Variants in MTMR7 observed in about 807,000 individuals in gnomAD.
MTMR7 encodes the protein myotubularin related protein 7, also known as phosphatidylinositol-3-phosphate phosphatase MTMR7.
In MTMR7, 76 loss-of-function variants were observed where a neutral mutation model predicts 81.2. The observed-to-expected ratio is 0.94, with a 90% CI of 0.78 to 1.13. The LOEUF (loss-of-function observed/expected upper bound fraction) is 1.13. Among genes scored for constraint, MTMR7 ranks in the 50% most tolerant of loss-of-function variants. The pLI is 0.00. For synonymous variants in MTMR7, 372 were observed against 289.8 expected (o/e 1.28, Z -2.88); for missense variants, 1,044 against 820.0 (o/e 1.27, Z -3.34).
intron 7 of MTMR7, among the ~76,000 whole-genome samples, chr8:17,320,998 C>CT (rs34124458): frequency 0.16 from 24,150 of 151,474 alleles, 2,556 homozygotes; most frequent in East Asian, 0.45. Context: ...CTCTTGCAGT[C>CT]TTTTTTTTTA....
chr8:17,304,304 T>TC, intron 12 of MTMR7, 75 bp downstream of exon 12: 1 of 1,525,810 alleles, frequency 6.6e-7, no homozygotes, highest in Non-Finnish European at 9.0e-7. Context: ...GTCATACACT[T>TC]TGACCTCTGA....
In MTMR7 at chr8:17,349,041, G is replaced by A. The variant is rs200093307; in HGVS notation, c.509C>T (p.Ser170Leu). Residue 170 changes from serine to leucine, a missense_variant, in exon 5 of 14, where the codon TCG becomes TTG. Ser to Leu is a moderately radical substitution (Grantham distance 145). Coordinates refer to ENST00000180173, the MANE Select transcript of MTMR7 (RefSeq NM_004686.5). The part of the protein sequence containing the change: ...SYPTELYVPK[S>L]ATAHIIVGSS... ...CCCCACTATGATGTGTGCCGTGGCC[G>A]ATTTGGGAACGTACAGTTCAGTAGG... 23 of 1,612,626 alleles carry A rather than the reference G, an allele frequency of 1.4e-5. No homozygotes were observed. Among genetic ancestry groups the A allele is most frequent in the Middle Eastern group, 1.6e-4 (1 of 6,062 alleles).
chr8:17,371,971 T>C (rs1331231405), intron 2 of MTMR7, among the ~76,000 whole-genome samples: 1 of 151,940 alleles, frequency 6.6e-6, no homozygotes, highest in Non-Finnish European at 1.5e-5. Context: ...TTCCAGACTT[T>C]TCCTCCTGTC....
intron 4 of MTMR7, among the ~76,000 whole-genome samples, chr8:17,353,004 C>T (rs963391295): frequency 1.3e-5 from 2 of 152,122 alleles, no homozygotes; most frequent in African/African-American, 2.4e-5. Flanking sequence ...CAACCATATC[C>T]GCAGAGCATT....
intron 5 of MTMR7, among the ~76,000 whole-genome samples, chr8:17,341,942 A>G (rs1401436863): frequency 1.3e-5 from 2 of 151,116 alleles, no homozygotes; most frequent in Non-Finnish European, 2.9e-5. Flanking sequence ...AAACTAGCCC[A>G]TCTAGAAACA....
intron 1 of MTMR7, among the ~76,000 whole-genome samples, chr8:17,394,595 A>G (rs1821195546): frequency 6.6e-6 from 1 of 152,222 alleles, no homozygotes; most frequent in Non-Finnish European, 1.5e-5. Context: ...GAAAATGTTC[A>G]GAAATTACAT....
intron 7 of MTMR7, among the ~76,000 whole-genome samples, chr8:17,322,001 G>C (rs1307630157): frequency 7.2e-6 from 1 of 139,804 alleles, no homozygotes; most frequent in Non-Finnish European, 1.5e-5. Context: ...AATTGCTGGT[G>C]GGGTCAGTGA....
At chr8:17,336,247 G>A (rs1819233686) in intron 6 of MTMR7, among the ~76,000 whole-genome samples, 1 of 152,086 alleles carries the variant, frequency 6.6e-6, no homozygotes, top group Non-Finnish European at 1.5e-5. Flanking sequence ...GTCACCTACA[G>A]CTGAAGACAC....
chr8:17,379,342 G>A (rs74670728), intron 1 of MTMR7, among the ~76,000 whole-genome samples: 62 of 152,188 alleles, frequency 4.1e-4, no homozygotes, highest in African/African-American at 1.4e-3. Context: ...GTCTGACCAC[G>A]CGAACTCCAC....
At chr8:17,369,700 C>A (rs1585098121) in intron 3 of MTMR7, among the ~76,000 whole-genome samples, 1 of 133,846 alleles carries the variant, frequency 7.5e-6, no homozygotes, top group Non-Finnish European at 1.5e-5. Flanking sequence ...GGCTGGAGTG[C>A]AGTGGCAAGA....
chr8:17,322,967 T>TTTTTTTTTTA (rs1818477811), intron 7 of MTMR7, among the ~76,000 whole-genome samples: 5 of 150,606 alleles, frequency 3.3e-5, no homozygotes, highest in East Asian at 2.0e-4. Context: ...TTTTTTTTTT[T>TTTTTTTTTTA]GAGACAGTCT....
At chr8:17,355,593 T>C (rs1354657902) in intron 4 of MTMR7, among the ~76,000 whole-genome samples, 1 of 151,250 alleles carries the variant, frequency 6.6e-6, no homozygotes, top group East Asian at 1.9e-4. Flanking sequence ...AACAGTATGC[T>C]AAAAGACAAA....
At position 17,378,535 on chromosome 8, in the gene MTMR7, T is replaced by A. The variant is rs1820660169; in HGVS notation, c.25-5295A>T. Among the ~76,000 whole-genome samples the A allele has an allele frequency of 1.3e-5, 2 of 152,210 alleles. 1 individual carries two copies. The highest frequency in any genetic ancestry group is 4.1e-4 in the South Asian group (2 of 4,826). ...CATACTACAAAGTAATAAGGCCAGT[T>A]TTATACTTAGGGAGAGCTAAGACTA... On this transcript the variant is annotated intron_variant, in intron 1 of 13. Transcript: ENST00000180173.
chr8:17,327,576 C>T (rs931387412), intron 7 of MTMR7, among the ~76,000 whole-genome samples: 9 of 152,156 alleles, frequency 5.9e-5, no homozygotes, highest in Non-Finnish European at 8.8e-5. Context: ...AGCCTCCATG[C>T]CCTTCCTGTA....
intron 4 of MTMR7, among the ~76,000 whole-genome samples, chr8:17,360,520 A>G (rs1034763674): frequency 9.3e-5 from 14 of 151,318 alleles, no homozygotes; most frequent in African/African-American, 2.2e-4. Context: ...ATGTTCTCAC[A>G]TTACTTTTGT....
At chr8:17,391,647 G>A (rs1337809566) in intron 1 of MTMR7, among the ~76,000 whole-genome samples, 3 of 152,228 alleles carry the variant, frequency 2.0e-5, no homozygotes, top group East Asian at 3.9e-4. Context: ...ACAGTTCACC[G>A]CAACTTGCAC....
chr8:17,403,192 T>C (rs1041111987), intron 1 of MTMR7, among the ~76,000 whole-genome samples: 2 of 152,236 alleles, frequency 1.3e-5, no homozygotes, highest in South Asian at 2.1e-4. Context: ...TCTCCCATTC[T>C]GTGGGTTGTC....
At chr8:17,371,837 A>G (rs1001241510) in intron 2 of MTMR7, among the ~76,000 whole-genome samples, 1 of 148,616 alleles carries the variant, frequency 6.7e-6, no homozygotes, top group African/African-American at 2.5e-5. Flanking sequence ...GAGCATGGCC[A>G]TCACTTACCT....
chr8:17,388,310 G>A (rs532238047), intron 1 of MTMR7, among the ~76,000 whole-genome samples: 29 of 152,204 alleles, frequency 1.9e-4, no homozygotes, highest in Admixed American at 6.5e-4. Flanking sequence ...GCATAAAGAA[G>A]AGGAAAAGAA....
Sources: gnomAD v4.1 joint callset for allele counts (sites outside exome capture counted in the v4.1 genomes callset) on GRCh38, gnomAD v4.1.1 for gene constraint, MANE v1.5 for transcripts, NCBI Gene and HGNC (gene_info 2026-07-23, HGNC 2026-07-21) for gene names.